The following GRIA4 variants were observed in gnomAD, a reference collection of about 807,000 sequenced individuals.
The protein encoded by GRIA4 is glutamate ionotropic receptor AMPA type subunit 4, also known as glutamate receptor 4.
Under a neutral mutation model 104.0 loss-of-function variants are expected in GRIA4, and 34 were observed. That is an observed-to-expected ratio of 0.33 (90% confidence interval 0.25 to 0.44). The LOEUF (loss-of-function observed/expected upper bound fraction) is 0.44. GRIA4 is among the 20% of genes least tolerant of loss of function. The probability of loss-of-function intolerance (pLI) is 1.00; values close to 1 mark genes in which losing one functional copy is unlikely to be tolerated. For synonymous variants in GRIA4, 386 were observed against 381.9 expected (o/e 1.01, Z -0.13); for missense variants, 750 against 1,096.5 (o/e 0.68, Z 4.46).
At chr11:105,910,377 G>T in intron 9 of GRIA4, 58 bp from the exon 10 acceptor site, 1 of 827,912 alleles carries the variant, frequency 1.2e-6, no homozygotes, top group East Asian at 2.5e-5. Context: ...ATTTTTCTAA[G>T]AAGAACTAGA....
chr11:105,660,033 T>C (rs1464737011), intron 3 of GRIA4, among the ~76,000 whole-genome samples: 3 of 151,566 alleles, frequency 2.0e-5, no homozygotes, highest in African/African-American at 7.3e-5. Flanking sequence ...AAAGTAGAAC[T>C]GCATACAAAA....
chr11:105,714,234 A>G (rs1205844096), intron 3 of GRIA4, among the ~76,000 whole-genome samples: 1 of 139,996 alleles, frequency 7.1e-6, no homozygotes, highest in African/African-American at 2.7e-5. Context: ...TTAACCAGAA[A>G]TATTTTAAAT....
At chr11:105,664,801 T>A (rs1485990236) in intron 3 of GRIA4, among the ~76,000 whole-genome samples, 1 of 151,964 alleles carries the variant, frequency 6.6e-6, no homozygotes, top group Admixed American at 6.6e-5. Flanking sequence ...GATTGAGAAA[T>A]ATGCTTAGTT....
At chr11:105,624,560 C>T (rs116025111) in intron 3 of GRIA4, among the ~76,000 whole-genome samples, 96 of 152,192 alleles carry the variant, frequency 6.3e-4, no homozygotes, top group African/African-American at 1.9e-3. Flanking sequence ...TGTTAGTTTC[C>T]ATAACCCTTT....
intron 4 of GRIA4, among the ~76,000 whole-genome samples, chr11:105,794,463 GTATA>G (rs1565241119): frequency 1.8e-4 from 7 of 39,300 alleles, no homozygotes; most frequent in Admixed American, 5.9e-4. Context: ...CTGTGTGTGT[GTATA>G]TGTATGTATA....
intron 3 of GRIA4, among the ~76,000 whole-genome samples, chr11:105,688,368 C>T (rs1952967886): frequency 6.6e-6 from 1 of 152,006 alleles, no homozygotes; most frequent in Non-Finnish European, 1.5e-5. Context: ...ACCATCCTGG[C>T]TAGCGTGGTG....
At chr11:105,645,502 G>C (rs184407568) in intron 3 of GRIA4, among the ~76,000 whole-genome samples, 1 of 152,128 alleles carries the variant, frequency 6.6e-6, no homozygotes, top group Admixed American at 6.5e-5. Context: ...GGAAATCAAA[G>C]ACAATTCATC....
At chr11:105,889,625 A>C (rs750225517) in intron 6 of GRIA4, among the ~76,000 whole-genome samples, 24 of 152,102 alleles carry the variant, frequency 1.6e-4, no homozygotes, top group Non-Finnish European at 2.9e-4. Context: ...AGACTGAATG[A>C]TTTTCCCCTA....
At chr11:105,857,989 T>C (rs1440946598) in intron 4 of GRIA4, among the ~76,000 whole-genome samples, 1 of 152,172 alleles carries the variant, frequency 6.6e-6, no homozygotes, top group African/African-American at 2.4e-5. Flanking sequence ...GATGATGTAA[T>C]AAGTGTTGAC....
chr11:105,757,297 C>T (rs1334161034), intron 4 of GRIA4, among the ~76,000 whole-genome samples: 1 of 152,048 alleles, frequency 6.6e-6, no homozygotes, highest in Non-Finnish European at 1.5e-5. Flanking sequence ...TGTGCCTATC[C>T]CCTACCTCCC....
intron 4 of GRIA4, among the ~76,000 whole-genome samples, chr11:105,829,729 A>T (rs1307005158): frequency 6.6e-5 from 10 of 151,894 alleles, no homozygotes; most frequent in Admixed American, 6.6e-4. Flanking sequence ...CATGTAATCC[A>T]TTGGGACTGG....
intron 3 of GRIA4, among the ~76,000 whole-genome samples, chr11:105,625,717 T>C (rs959343069): frequency 9.2e-5 from 14 of 152,126 alleles, no homozygotes; most frequent in African/African-American, 3.4e-4. Flanking sequence ...ATTGTACGTA[T>C]AAAGAGTTGT....
chr11:105,767,774 G>A (rs973261906), intron 4 of GRIA4, among the ~76,000 whole-genome samples: 5 of 152,090 alleles, frequency 3.3e-5, no homozygotes, highest in South Asian at 2.1e-4. Context: ...TTTTTCAAAC[G>A]AGAAAAATGC....
intron 4 of GRIA4, among the ~76,000 whole-genome samples, chr11:105,827,524 T>C (rs1262073644): frequency 1.3e-5 from 2 of 152,032 alleles, no homozygotes; most frequent in Non-Finnish European, 2.9e-5. Context: ...AAATGTTCTA[T>C]AATTTTATTT....
At chr11:105,828,137 G>A (rs1441243260) in intron 4 of GRIA4, among the ~76,000 whole-genome samples, 1 of 151,984 alleles carries the variant, frequency 6.6e-6, no homozygotes, top group Non-Finnish European at 1.5e-5. Flanking sequence ...AATCAGTTTA[G>A]TCATTTTTAA....
chr11:105,664,191 G>C (rs1952096226), intron 3 of GRIA4, among the ~76,000 whole-genome samples: 2 of 149,652 alleles, frequency 1.3e-5, no homozygotes, highest in South Asian at 4.3e-4. Context: ...TCATGTGCGT[G>C]ATTAGGAAAG....
At chr11:105,902,157 T>C (rs1565328827) in intron 7 of GRIA4, among the ~76,000 whole-genome samples, 1 of 152,134 alleles carries the variant, frequency 6.6e-6, no homozygotes, top group Non-Finnish European at 1.5e-5. Context: ...AGCTCTTAAT[T>C]TACATGGTTC....
intron 4 of GRIA4, among the ~76,000 whole-genome samples, chr11:105,788,505 G>T (rs1942072549): frequency 6.6e-6 from 1 of 152,086 alleles, no homozygotes; most frequent in East Asian, 1.9e-4. Context: ...GTCCATTAAT[G>T]GTTGACTGTA....
chr11:105,902,201 A>G (rs73542891), intron 7 of GRIA4, among the ~76,000 whole-genome samples: 205 of 152,292 alleles, frequency 1.3e-3, no homozygotes, highest in African/African-American at 4.8e-3. Flanking sequence ...GTTATATCCT[A>G]TACTATTGAA....
Sources: allele counts gnomAD v4.1 joint callset (sites outside exome capture counted in the v4.1 genomes callset), GRCh38; gene constraint gnomAD v4.1.1; transcripts MANE v1.5; gene names NCBI Gene and HGNC (gene_info 2026-07-23, HGNC 2026-07-21).